Variants in DCUN1D3 observed in about 807,000 individuals in gnomAD.
DCUN1D3 encodes defective in cullin neddylation 1 domain containing 3.
DCUN1D3 carries 6 observed loss-of-function variants against 24.8 expected under a neutral mutation model. The observed-to-expected ratio is 0.24, with a 90% confidence interval of 0.13 to 0.48. The LOEUF is 0.48. Among genes scored for constraint, DCUN1D3 ranks in the 20% least tolerant of loss-of-function variants. The pLI is 0.99. For missense variants in DCUN1D3, 258 were observed against 379.4 expected (o/e 0.68, Z 2.66); for synonymous variants, 120 against 144.9 (o/e 0.83, Z 1.24).
chr16:20,888,908 G>A (rs1253725927), intron 1 of DCUN1D3, among the ~76,000 whole-genome samples: 1 of 152,072 alleles, frequency 6.6e-6, no homozygotes, highest in Non-Finnish European at 1.5e-5. Flanking sequence ...CCAACATAAT[G>A]AAACCCCATT....
At chr16:20,872,919 C>T (rs1007830107) in intron 1 of DCUN1D3, among the ~76,000 whole-genome samples, 1 of 152,148 alleles carries the variant, frequency 6.6e-6, no homozygotes, top group African/African-American at 2.4e-5. Flanking sequence ...AGTTCAAGAC[C>T]AGCCTGGCCA....
At chr16:20,897,071 T>C (rs2081919365) in intron 1 of DCUN1D3, among the ~76,000 whole-genome samples, 1 of 152,148 alleles carries the variant, frequency 6.6e-6, no homozygotes, top group African/African-American at 2.4e-5. Flanking sequence ...CACTAAAAGG[T>C]TTTATTTAGC....
chr16:20,862,042 C>T, intron 2 of DCUN1D3, 66 bp downstream of exon 2: 1 of 1,544,616 alleles, frequency 6.5e-7, no homozygotes. Context: ...TAGCTGGGCA[C>T]CACTGCCCAA....
intron 1 of DCUN1D3, among the ~76,000 whole-genome samples, chr16:20,889,283 T>C (rs181652634): frequency 6.6e-6 from 1 of 150,618 alleles, no homozygotes; most frequent in Non-Finnish European, 1.5e-5. Context: ...TCCCAACTAC[T>C]CGGGAAGCTG....
At chr16:20,870,606 T>C (rs1156997216) in intron 1 of DCUN1D3, among the ~76,000 whole-genome samples, 1 of 152,094 alleles carries the variant, frequency 6.6e-6, no homozygotes, top group Non-Finnish European at 1.5e-5. Flanking sequence ...GCACCAAAAG[T>C]CAGTGTCAGC....
intron 1 of DCUN1D3, among the ~76,000 whole-genome samples, chr16:20,872,363 AC>A (rs1286079623): frequency 1.1e-4 from 16 of 152,306 alleles, no homozygotes; most frequent in Middle Eastern, 6.8e-3. Context: ...CTTAAAGGGC[AC>A]CTGGATGACC....
intron 1 of DCUN1D3, among the ~76,000 whole-genome samples, chr16:20,886,036 A>T (rs534146213): frequency 1.3e-5 from 2 of 150,086 alleles, no homozygotes; most frequent in East Asian, 3.9e-4. Context: ...AAGGTGAAAG[A>T]GTAAACAATA....
chr16:20,871,619 A>C (rs1380811405), intron 1 of DCUN1D3, among the ~76,000 whole-genome samples: 1 of 152,240 alleles, frequency 6.6e-6, no homozygotes, highest in Non-Finnish European at 1.5e-5. Context: ...CTTGCCAAAT[A>C]CAGCCAAGCC....
Position 20,855,609 on chromosome 16 carries a change from G to A in DCUN1D3, c.*4277C>T, listed in dbSNP as rs980750079. The A allele has an allele frequency of 1.3e-5, 2 of 152,192 alleles. No individual in the cohort carries two copies. The highest frequency in any genetic ancestry group is 2.9e-5 in the Non-Finnish European group (2 of 68,050). 9.4% of individuals were successfully genotyped at this position (152,192 alleles called of 1,614,324 possible). On this transcript the variant is annotated 3_prime_UTR_variant, in exon 3 of 3. Coordinates refer to ENST00000324344, the MANE Select transcript of DCUN1D3 (RefSeq NM_173475.4). Reference sequence around the variant, plus strand: ...AGCTATTTGAACTATTTTGGCTTCTGCAACCAGTGCTCAAGAATCTATTTC... The same window carrying A: ...AGCTATTTGAACTATTTTGGCTTCTACAACCAGTGCTCAAGAATCTATTTC...
chr16:20,886,403 T>C (rs1158823409), intron 1 of DCUN1D3, among the ~76,000 whole-genome samples: 1 of 152,214 alleles, frequency 6.6e-6, no homozygotes, highest in Non-Finnish European at 1.5e-5. Flanking sequence ...TAAAAGCTTC[T>C]TTAAAAACTG....
In DCUN1D3 at chr16:20,859,349, T is replaced by A. The variant is rs1260400383; in HGVS notation, c.*537A>T. ...CAATGTGGTTAACAGTTAACACTGC[T>A]ATTCAAATCTGTGTAAATCTTTAAA... is the stretch of plus-strand genomic sequence containing the variant. On this transcript the variant is annotated 3_prime_UTR_variant, in exon 3 of 3. Coordinates refer to ENST00000324344, the MANE Select transcript of DCUN1D3 (RefSeq NM_173475.4). 1 of 152,666 alleles carries A rather than the reference T, an allele frequency of 6.6e-6. No homozygotes were observed. The highest frequency in any genetic ancestry group is 2.4e-5 in the African/African-American group (1 of 41,456). The allele number at this position is 152,666 out of a possible 1,614,324, so 9.5% of individuals were successfully genotyped here.
At position 20,862,727 on chromosome 16, in the gene DCUN1D3, C is replaced by T. The variant is rs1051705892; in HGVS notation, c.-105-84G>A. The stretch of plus-strand genomic sequence containing the variant: ...CCTTCTAGGGTGCACACTGGTTCAC[C>T]GCTCTATTTCCATGAGCCAACAACG... On this transcript the variant is annotated intron_variant, in intron 1 of 2. Transcript: ENST00000324344. 75 of 1,294,238 alleles carry T rather than the reference C, an allele frequency of 5.8e-5. No homozygotes were observed. The East Asian group carries it at 1.2e-3, about 21-fold the overall frequency. 80.2% of individuals were successfully genotyped at this position (1,294,238 alleles called of 1,614,324 possible). A position where few individuals can be genotyped will look rare whatever the true frequency, so the allele number is the denominator to read the frequency against.
chr16:20,879,746 T>C (rs1479300704), intron 1 of DCUN1D3, among the ~76,000 whole-genome samples: 1 of 152,186 alleles, frequency 6.6e-6, no homozygotes, highest in African/African-American at 2.4e-5. Context: ...CCCCAAAGGA[T>C]TTCTGGGTAT....
chr16:20,865,891 G>T (rs989491370), intron 1 of DCUN1D3, among the ~76,000 whole-genome samples: 2 of 152,132 alleles, frequency 1.3e-5, no homozygotes, highest in Non-Finnish European at 2.9e-5. Flanking sequence ...AGTTATTAGA[G>T]ATTAGTCATA....
Position 20,858,339 on chromosome 16 carries a change from T to C in DCUN1D3, c.*1547A>G, listed in dbSNP as rs905055783. The C allele has an allele frequency of 2.0e-5, 3 of 152,578 alleles. No individual in the cohort carries two copies. Among genetic ancestry groups the C allele is most frequent in the Admixed American group, 6.5e-5 (1 of 15,268 alleles). 9.5% of individuals were successfully genotyped at this position (152,578 alleles called of 1,614,324 possible). Reference sequence around the variant, plus strand: ...GTCTGGGGAACCGGGGCCCTCCCTCTTGTGAGGAAAGGGCTGAGCAAACTC... The same window carrying C: ...GTCTGGGGAACCGGGGCCCTCCCTCCTGTGAGGAAAGGGCTGAGCAAACTC... On this transcript the variant is annotated 3_prime_UTR_variant, in exon 3 of 3. Transcript: ENST00000324344.
chr16:20,870,670 C>T (rs905643677), intron 1 of DCUN1D3, among the ~76,000 whole-genome samples: 1 of 152,210 alleles, frequency 6.6e-6, no homozygotes, highest in Non-Finnish European at 1.5e-5. Flanking sequence ...CCAATCCATT[C>T]CACTCCTCCA....
chr16:20,897,327 G>A (rs115244066), intron 1 of DCUN1D3, among the ~76,000 whole-genome samples: 1,811 of 152,326 alleles, frequency 0.012, 42 homozygotes, highest in African/African-American at 0.041. Flanking sequence ...CACACCATTA[G>A]AGATGAATGC....
rs1405770600 is a variant in DCUN1D3 at position 20,858,582 on chromosome 16, T to C, written c.*1304A>G. 1.3e-5 allele frequency: 2 copies of C among 148,464 alleles called. No individual in the cohort carries two copies. Among genetic ancestry groups the C allele is most frequent in the Admixed American group, 6.8e-5 (1 of 14,756 alleles). The allele number at this position is 148,464 out of a possible 1,614,324, so 9.2% of individuals were successfully genotyped here. A position where few individuals can be genotyped will look rare whatever the true frequency, so the allele number is the denominator to read the frequency against. On this transcript the variant is annotated 3_prime_UTR_variant, in exon 3 of 3. Coordinates refer to ENST00000324344, the MANE Select transcript of DCUN1D3 (RefSeq NM_173475.4). ...CATATTTTATATATGTATATATACA[T>C]ATTTGGGGGTAGGGAAAGGAGAGGA...
intron 1 of DCUN1D3, among the ~76,000 whole-genome samples, chr16:20,888,846 G>A (rs2081878728): frequency 6.6e-6 from 1 of 152,194 alleles, no homozygotes; most frequent in Admixed American, 6.5e-5. Context: ...CTGCACTTTG[G>A]GAGGCCGAGG....
Sources: allele counts gnomAD v4.1 joint callset (sites outside exome capture counted in the v4.1 genomes callset), GRCh38; gene constraint gnomAD v4.1.1; transcripts MANE v1.5; gene names NCBI Gene and HGNC (gene_info 2026-07-23, HGNC 2026-07-21).